Variants in BCKDHB observed in about 807,000 individuals in gnomAD.
BCKDHB encodes the protein branched chain keto acid dehydrogenase E1 subunit beta.
BCKDHB carries 41 observed loss-of-function variants against 48.5 expected under a neutral mutation model. The observed-to-expected ratio is 0.85, with a 90% CI of 0.66 to 1.10. BCKDHB has a LOEUF of 1.10. Ranked by LOEUF, BCKDHB falls within the 50% of genes least tolerant of loss-of-function variation. The pLI, the probability that BCKDHB is intolerant of heterozygous loss-of-function variation, is 0.00. For missense variants in BCKDHB, 496 were observed against 494.2 expected (o/e 1.00, Z -0.03); for synonymous variants, 201 against 174.8 (o/e 1.15, Z -1.18).
intron 8 of BCKDHB, among the ~76,000 whole-genome samples, chr6:80,210,605 AAGC>A (rs1249763427): frequency 2.0e-5 from 3 of 152,150 alleles, no homozygotes; most frequent in Non-Finnish European, 2.9e-5. Flanking sequence ...AAATAAAAAG[AAGC>A]ACTATCTTCT....
chr6:80,404,315 G>A, the BCKDHB span, among the ~76,000 whole-genome samples: 5 of 151,804 alleles, frequency 3.3e-5, no homozygotes, highest in Admixed American at 6.6e-5. Context: ...GAACTTGGAT[G>A]TTTCTAAGAA....
chr6:80,365,177 C>T, the BCKDHB span, among the ~76,000 whole-genome samples: 2 of 152,114 alleles, frequency 1.3e-5, no homozygotes, highest in Non-Finnish European at 2.9e-5. Flanking sequence ...ACAAAGATCA[C>T]AAGGCAAAGG....
At chr6:80,463,777 T>C in the BCKDHB span, among the ~76,000 whole-genome samples, 1 of 152,204 alleles carries the variant, frequency 6.6e-6, no homozygotes, top group Non-Finnish European at 1.5e-5. Flanking sequence ...CATTTAATTT[T>C]CCTGGCCTCG....
chr6:80,394,515 G>C, the BCKDHB span, among the ~76,000 whole-genome samples: 49 of 151,810 alleles, frequency 3.2e-4, no homozygotes, highest in Non-Finnish European at 5.4e-4. Context: ...CATTGTTTCT[G>C]TTTGTATGCT....
chr6:80,121,840 C>A (rs1175654556), intron 1 of BCKDHB, among the ~76,000 whole-genome samples: 1 of 152,086 alleles, frequency 6.6e-6, no homozygotes, highest in African/African-American at 2.4e-5. Context: ...ATTGAAAACC[C>A]TTTATTTGTT....
intron 8 of BCKDHB, among the ~76,000 whole-genome samples, chr6:80,235,344 TCAAA>T (rs1776107061): frequency 6.6e-6 from 1 of 152,166 alleles, no homozygotes; most frequent in African/African-American, 2.4e-5. Context: ...CAGGCATTGG[TCAAA>T]CAAATATACT....
chr6:80,197,950 CCAT>C (rs1012965465), intron 6 of BCKDHB, among the ~76,000 whole-genome samples: 14 of 150,764 alleles, frequency 9.3e-5, no homozygotes, highest in Non-Finnish European at 1.5e-5. Flanking sequence ...ATCCATCCAT[CCAT>C]CCATCCATCC....
the BCKDHB span, among the ~76,000 whole-genome samples, chr6:80,427,484 A>T: frequency 6.6e-6 from 1 of 152,170 alleles, no homozygotes; most frequent in Non-Finnish European, 1.5e-5. Flanking sequence ...TATTTTAAAG[A>T]AATTGGCAAA....
At chr6:80,256,110 A>T (rs1033325577) in intron 8 of BCKDHB, among the ~76,000 whole-genome samples, 1 of 152,184 alleles carries the variant, frequency 6.6e-6, no homozygotes, top group Non-Finnish European at 1.5e-5. Flanking sequence ...TAAGTCAATA[A>T]AATGCAGAGT....
chr6:80,238,844 T>C (rs1485232223), intron 8 of BCKDHB, among the ~76,000 whole-genome samples: 1 of 152,108 alleles, frequency 6.6e-6, no homozygotes, highest in Non-Finnish European at 1.5e-5. Flanking sequence ...AGTGAGAACA[T>C]GTGGTGTTTA....
intron 9 of BCKDHB, among the ~76,000 whole-genome samples, chr6:80,277,739 A>AT (rs1491149852): frequency 6.6e-6 from 1 of 151,216 alleles, no homozygotes; most frequent in Non-Finnish European, 1.5e-5. Flanking sequence ...GTAAGTTTCC[A>AT]TACCATTGTT....
At chr6:80,465,258 C>G in the BCKDHB span, among the ~76,000 whole-genome samples, 2 of 152,184 alleles carry the variant, frequency 1.3e-5, no homozygotes, top group Admixed American at 1.3e-4. Context: ...GTGAAGTAAG[C>G]TGCTGAAAAT....
chr6:80,374,181 T>C, the BCKDHB span: 1 of 721,748 alleles, frequency 1.4e-6, no homozygotes, highest in Admixed American at 1.7e-5. Context: ...ATGAGCTCTG[T>C]AGGTCTGGCA....
chr6:80,154,702 T>C (rs1156313266), intron 3 of BCKDHB, among the ~76,000 whole-genome samples: 2 of 152,184 alleles, frequency 1.3e-5, no homozygotes, highest in Non-Finnish European at 2.9e-5. Context: ...AAAAGTACTT[T>C]TAAAAATTTG....
At chr6:80,125,505 ACT>A (rs1770297727) in intron 1 of BCKDHB, among the ~76,000 whole-genome samples, 1 of 152,110 alleles carries the variant, frequency 6.6e-6, no homozygotes, top group Admixed American at 6.6e-5. Context: ...TAGCTTTCAG[ACT>A]CTCTGGACTT....
the BCKDHB span, among the ~76,000 whole-genome samples, chr6:80,399,499 T>G: frequency 6.6e-6 from 1 of 151,934 alleles, no homozygotes; most frequent in African/African-American, 2.4e-5. Flanking sequence ...CTATTCACAA[T>G]TGCCACAAAA....
At chr6:80,407,572 T>G in the BCKDHB span, among the ~76,000 whole-genome samples, 1 of 152,146 alleles carries the variant, frequency 6.6e-6, no homozygotes, top group Non-Finnish European at 1.5e-5. Context: ...TCCTTCACAA[T>G]TCTTGTAAGT....
At chr6:80,110,767 A>G (rs1769370733) in intron 1 of BCKDHB, among the ~76,000 whole-genome samples, 1 of 152,236 alleles carries the variant, frequency 6.6e-6, no homozygotes, top group Non-Finnish European at 1.5e-5. Context: ...GGGGTAAGTA[A>G]TACCTTAGCT....
At chr6:80,420,010 A>C in the BCKDHB span, among the ~76,000 whole-genome samples, 2 of 152,044 alleles carry the variant, frequency 1.3e-5, no homozygotes, top group Non-Finnish European at 2.9e-5. Context: ...TATAGCTTCT[A>C]TAAGCTTGTT....
Sources: allele counts gnomAD v4.1 joint callset (sites outside exome capture counted in the v4.1 genomes callset), GRCh38; gene constraint gnomAD v4.1.1; transcripts MANE v1.5; gene names NCBI Gene and HGNC (gene_info 2026-07-23, HGNC 2026-07-21).